Variants in BTNL8 observed in about 807,000 individuals in gnomAD.
BTNL8 encodes the protein butyrophilin-like protein 8.
Under a neutral mutation model 36.1 loss-of-function variants are expected in BTNL8, and 22 were observed. The ratio of observed to expected loss-of-function variants is 0.61; its 90% confidence interval spans 0.44 to 0.87. The LOEUF is 0.87. BTNL8 is among the 40% of genes least tolerant of loss of function. The pLI, the probability that BTNL8 is intolerant of heterozygous loss-of-function variation, is 0.00. For missense variants in BTNL8, 526 were observed against 616.9 expected (o/e 0.85, Z 1.56); for synonymous variants, 203 against 235.6 (o/e 0.86, Z 1.27).
chr5:180,939,250 G>T (rs1168825220), intron 3 of BTNL8, among the ~76,000 whole-genome samples: 1 of 151,972 alleles, frequency 6.6e-6, no homozygotes, highest in Non-Finnish European at 1.5e-5. Context: ...ATATAGATTG[G>T]CTGAATGAAT....
intron 3 of BTNL8, among the ~76,000 whole-genome samples, chr5:180,940,916 C>T (rs1265878229): frequency 6.6e-6 from 1 of 151,858 alleles, no homozygotes; most frequent in African/African-American, 2.4e-5. Flanking sequence ...AAAAAAACAA[C>T]AATAACAACA....
At chr5:180,913,165 G>T (rs1757482696) in intron 3 of BTNL8, among the ~76,000 whole-genome samples, 1 of 152,166 alleles carries the variant, frequency 6.6e-6, no homozygotes, top group South Asian at 2.1e-4. Context: ...TGTATGGGAA[G>T]ACTGATGAAG....
chr5:180,905,400 A>G (rs1395188018), intron 1 of BTNL8, among the ~76,000 whole-genome samples: 1 of 113,180 alleles, frequency 8.8e-6, no homozygotes, highest in Non-Finnish European at 1.7e-5. Flanking sequence ...TATTGCATCT[A>G]TTTGATTCTT....
intron 3 of BTNL8, among the ~76,000 whole-genome samples, chr5:180,914,079 T>C (rs1023708469): frequency 1.3e-5 from 2 of 152,212 alleles, no homozygotes; most frequent in Admixed American, 6.5e-5. Flanking sequence ...TATTGCGATA[T>C]GGTTTTAGTG....
intron 3 of BTNL8, among the ~76,000 whole-genome samples, chr5:180,934,695 G>C (rs2113838743): frequency 6.6e-6 from 1 of 152,328 alleles, no homozygotes; most frequent in Non-Finnish European, 1.5e-5. Flanking sequence ...ATGTGGTGGT[G>C]CCTGGAAGCT....
intron 3 of BTNL8, among the ~76,000 whole-genome samples, chr5:180,925,471 T>C (rs1758052310): frequency 6.6e-6 from 1 of 152,206 alleles, no homozygotes; most frequent in African/African-American, 2.4e-5. Flanking sequence ...TTAGCAGCAA[T>C]CCTGCATGCC....
intron 2 of BTNL8, chr5:180,909,780 C>T: frequency 5.8e-6 from 1 of 172,606 alleles, no homozygotes; most frequent in Non-Finnish European, 1.1e-5. Flanking sequence ...ACAGTTGTTG[C>T]CGTGTGCAGT....
Position 180,950,081 on chromosome 5 carries a change from G to T in BTNL8, c.1040G>T (p.Gly347Val), listed in dbSNP as rs1332221846. 4.1e-6 allele frequency: 6 copies of T among 1,463,126 alleles called. 1 individual carries two copies. The South Asian group carries it at 4.5e-5, about 11-fold the overall frequency. The allele number at this position is 1,463,126 out of a possible 1,614,324, so 90.6% of individuals were successfully genotyped here. A position where few individuals can be genotyped will look rare whatever the true frequency, so the allele number is the denominator to read the frequency against. The change falls in exon 8 of 8, where the codon GGA (glycine) becomes GTA (valine). Residue 347 changes from glycine to valine, a missense_variant. By Grantham distance (109) the Gly-to-Val change is moderately radical. Transcript: ENST00000340184. ...GGGAAACATTACTGGGAGGTGGACG[G>T]AGGACACAATAAAAGGTGGCGCGTG... ...QAGKHYWEVD[G>V]GHNKRWRVGV...
intron 1 of BTNL8, among the ~76,000 whole-genome samples, 200 bp from the exon 2 acceptor site, chr5:180,908,386 A>T (rs1389792219): frequency 2.6e-5 from 4 of 151,990 alleles, no homozygotes; most frequent in Non-Finnish European, 4.4e-5. Flanking sequence ...CGGTGCGCGC[A>T]CCCACTGACC....
In BTNL8 at chr5:180,900,087, G is replaced by T. The variant is rs377669695; in HGVS notation, c.49+728G>T. On this transcript the variant is annotated intron_variant, in intron 1 of 7. Transcript: ENST00000340184. ...AATGAAGCTAAGAAAACAGAAATAA[G>T]GGCAATCAAAACATAGAGCATGTTT... Among the ~76,000 whole-genome samples the T allele has an allele frequency of 3.2e-4, 48 of 152,196 alleles. No homozygotes were observed. In the South Asian group the frequency reaches 1.0e-2, roughly 32 times the overall value.
chr5:180,909,050 T>C (rs141492316), intron 2 of BTNL8, 117 bp downstream of exon 2: 13,160 of 1,007,888 alleles, frequency 0.013, 118 homozygotes, highest in Non-Finnish European at 0.017. Flanking sequence ...GGCAGCATTC[T>C]ATACTCTACG....
In BTNL8 at chr5:180,923,950, A is replaced by G. The variant is rs146335541; in HGVS notation, c.673+12336A>G. 1.8e-3 allele frequency among the ~76,000 whole-genome samples: 280 copies of G among 152,344 alleles called. 1 individual carries two copies. Among genetic ancestry groups the G allele is most frequent in the African/African-American group, 6.6e-3 (273 of 41,584 alleles). On this transcript the variant is annotated intron_variant, in intron 3 of 7. Coordinates refer to ENST00000340184, the MANE Select transcript of BTNL8 (RefSeq NM_001040462.3). The stretch of plus-strand genomic sequence containing the variant: ...TTTATACTCTTATTAAGGATTAGAT[A>G]AGTTTACTAAAATAACTAAAATAAG...
chr5:180,940,405 AG>A (rs1381186567), intron 3 of BTNL8, among the ~76,000 whole-genome samples: 1 of 151,978 alleles, frequency 6.6e-6, no homozygotes, highest in African/African-American at 2.4e-5. Flanking sequence ...AAGCAGTACT[AG>A]GAGGTAAGTT....
At chr5:180,928,673 G>C (rs1758219688) in intron 3 of BTNL8, among the ~76,000 whole-genome samples, 1 of 152,132 alleles carries the variant, frequency 6.6e-6, no homozygotes, top group South Asian at 2.1e-4. Context: ...CCTAGTCTCT[G>C]ATAAAACAGA....
chr5:180,947,625 T>C lies in BTNL8; in HGVS notation c.787T>C (p.Trp263Arg). 1 of 1,614,190 alleles carries C rather than the reference T, an allele frequency of 6.2e-7. No homozygotes were observed. The highest frequency in any genetic ancestry group is 8.5e-7 in the Non-Finnish European group (1 of 1,180,032). Residue 263 changes from tryptophan to arginine, a missense_variant and splice_region_variant, in exon 4 of 8, where the codon TGG (tryptophan) becomes CGG (arginine). Trp to Arg is a moderately radical substitution (Grantham distance 101). This residue lies in a region of BTNL8 where 350 missense variants were observed against 324.6 expected (regional missense o/e 1.08). Transcript: ENST00000340184. ...GAAGATTTTCTTCTCCAAATTCCAG[T>C]GTAAGCGAGAGAGAGAAGCATGGGC... ...GLKIFFSKFQWKIQAELDWRR... is the reference protein window; with the variant it reads ...GLKIFFSKFQRKIQAELDWRR...
At chr5:180,920,186 C>G (rs1423320525) in intron 3 of BTNL8, among the ~76,000 whole-genome samples, 1 of 151,986 alleles carries the variant, frequency 6.6e-6, no homozygotes, top group Non-Finnish European at 1.5e-5. Flanking sequence ...GCAAAGACTG[C>G]AAAGACTTTT....
chr5:180,902,956 G>A (rs1582003014), intron 1 of BTNL8, among the ~76,000 whole-genome samples: 1 of 120,154 alleles, frequency 8.3e-6, no homozygotes, highest in East Asian at 2.3e-4. Flanking sequence ...CCAAGTCTTT[G>A]CTATTGTGAA....
chr5:180,942,450 T>G (rs1759032476), intron 3 of BTNL8, among the ~76,000 whole-genome samples: 1 of 152,062 alleles, frequency 6.6e-6, no homozygotes, highest in African/African-American at 2.4e-5. Context: ...ATCCTAAAAT[T>G]CATATGGAGC....
In BTNL8 at chr5:180,950,406, T is replaced by C. The variant is rs781317825; in HGVS notation, c.1365T>C (p.Thr455=). The C allele has an allele frequency of 1.6e-5, 24 of 1,462,742 alleles. 6 individuals carry two copies. Among genetic ancestry groups the C allele is most frequent in the Non-Finnish European group, 2.1e-5 (22 of 1,058,806 alleles). 90.6% of individuals were successfully genotyped at this position (1,462,742 alleles called of 1,614,324 possible). ...EYPSYNEQNG[T]PIVICPVTQE... Reference sequence around the variant, plus strand: ...CGTCCTATAATGAGCAAAATGGAACTCCCATAGTCATCTGCCCAGTCACCC... The same window carrying C: ...CGTCCTATAATGAGCAAAATGGAACCCCCATAGTCATCTGCCCAGTCACCC... The change falls in exon 8 of 8, where the codon ACT becomes ACC. Residue 455 remains threonine (T), a synonymous_variant. Transcript: ENST00000340184.
Sources: allele counts gnomAD v4.1 joint callset (sites outside exome capture counted in the v4.1 genomes callset), GRCh38; gene constraint gnomAD v4.1.1; regional missense constraint gnomAD v4.1.1; transcripts MANE v1.5; gene names NCBI Gene and HGNC (gene_info 2026-07-23, HGNC 2026-07-21).